AGPAT5: variants seen among roughly 807,000 people sequenced by gnomAD.
AGPAT5 encodes the protein 1-acyl-sn-glycerol-3-phosphate acyltransferase epsilon.
In AGPAT5, 46 loss-of-function variants were observed where a neutral mutation model predicts 45.6. The ratio of observed to expected loss-of-function variants is 1.01; its 90% CI spans 0.80 to 1.29. The LOEUF (loss-of-function observed/expected upper bound fraction) is 1.29, where lower values mean the gene tolerates loss of function less well. AGPAT5 is among the 50% of genes most tolerant of loss of function. The probability of loss-of-function intolerance (pLI) is 0.00; values close to 1 mark genes in which losing one functional copy is unlikely to be tolerated. For missense variants in AGPAT5, 673 were observed against 450.7 expected, an observed-to-expected ratio of 1.49 and a Z score of -4.47; for synonymous variants, 272 against 167.0, an observed-to-expected ratio of 1.63 and a Z score of -4.85.
Position 6,721,398 on chromosome 8 carries a change from C to T in AGPAT5, c.220-3472C>T, listed in dbSNP as rs545864723. On this transcript the variant is annotated intron_variant, in intron 1 of 7. Coordinates refer to ENST00000285518, the MANE Select transcript of AGPAT5 (RefSeq NM_018361.5). Reference sequence around the variant, plus strand: ...AGCTCTTTCTCTTATCCATTAATCACTTAACAGAGTTTTGAATAAAAAGTT... The same window carrying T: ...AGCTCTTTCTCTTATCCATTAATCATTTAACAGAGTTTTGAATAAAAAGTT... Among the ~76,000 whole-genome samples, 3 of 152,294 alleles carry T rather than the reference C, an allele frequency of 2.0e-5. No homozygotes were observed. The South Asian group carries it at 6.2e-4, about 32-fold the overall frequency.
intron 2 of AGPAT5, among the ~76,000 whole-genome samples, chr8:6,727,945 C>G (rs1800741825): frequency 6.6e-6 from 1 of 152,152 alleles, no homozygotes; most frequent in South Asian, 2.1e-4. Context: ...AGGCTGTCTC[C>G]TAATCCTGGT....
chr8:6,742,172 G>A (rs1801263891), intron 5 of AGPAT5, among the ~76,000 whole-genome samples: 1 of 152,138 alleles, frequency 6.6e-6, no homozygotes. Flanking sequence ...TAATGTTGCT[G>A]AGCTTGCTTC....
Position 6,720,683 on chromosome 8 carries a change from A to T in AGPAT5, c.220-4187A>T, listed in dbSNP as rs565229196. On this transcript the variant is annotated intron_variant, in intron 1 of 7. Transcript: ENST00000285518. Reference sequence around the variant, plus strand: ...AATTAGAGAGTCATCAATCACGCAGATCCAGTACAGAGGGTGGCCTGACCA... The same window carrying T: ...AATTAGAGAGTCATCAATCACGCAGTTCCAGTACAGAGGGTGGCCTGACCA... Among the ~76,000 whole-genome samples, 7 of 152,302 alleles carry T rather than the reference A, an allele frequency of 4.6e-5. No individual in the cohort carries two copies. In the East Asian group the frequency reaches 1.3e-3, roughly 29 times the overall value.
intron 1 of AGPAT5, among the ~76,000 whole-genome samples, chr8:6,718,511 CTG>C (rs3837205): frequency 0.65 from 98,761 of 151,874 alleles, 32,645 homozygotes; most frequent in African/African-American, 0.76. Flanking sequence ...CTGGAAAACA[CTG>C]TGTAAGCTTT....
chr8:6,751,980 C>T (rs915832432), intron 6 of AGPAT5, among the ~76,000 whole-genome samples: 1 of 151,814 alleles, frequency 6.6e-6, no homozygotes, highest in Non-Finnish European at 1.5e-5. Context: ...AGTTCTAGAC[C>T]AGCGTGACCA....
At chr8:6,712,850 G>T (rs1186282733) in intron 1 of AGPAT5, among the ~76,000 whole-genome samples, 2 of 152,178 alleles carry the variant, frequency 1.3e-5, no homozygotes, top group Non-Finnish European at 2.9e-5. Context: ...GCTGATAAAT[G>T]TTAATAGGAT....
At chr8:6,727,350 C>T (rs1800722246) in intron 2 of AGPAT5, among the ~76,000 whole-genome samples, 1 of 151,992 alleles carries the variant, frequency 6.6e-6, no homozygotes, top group South Asian at 2.1e-4. Flanking sequence ...TATTTCTTCC[C>T]CTTATCCTTC....
At position 6,708,888 on chromosome 8, in the gene AGPAT5, G is replaced by C; in HGVS notation, c.219+1G>C. 6.3e-7 allele frequency: 1 copy of C among 1,599,988 alleles called. No individual in the cohort carries two copies. The highest frequency in any genetic ancestry group is 1.1e-5 in the South Asian group (1 of 90,312). On this transcript the variant is annotated splice_donor_variant, in intron 1 of 7. Transcript: ENST00000285518. LOFTEE classifies it high-confidence loss of function. ...CTTCGAGAATTACACCGGGGTCCAG[G>C]TGAGCCGCCTCCCGCTCCCGGGTCT... is the stretch of plus-strand genomic sequence containing the variant.
At position 6,708,801 on chromosome 8, in the gene AGPAT5, C is replaced by G. The variant is rs1800028382; in HGVS notation, c.133C>G (p.Arg45Gly). ...WRLLSAFLPARFYQALDDRLY... is the reference protein window; with the variant it reads ...WRLLSAFLPAGFYQALDDRLY... The stretch of plus-strand genomic sequence containing the variant: ...GCTGCTCTCCGCCTTCCTGCCCGCC[C>G]GCTTCTACCAAGCGCTGGACGACCG... Residue 45 changes from arginine (R) to glycine (G), a missense_variant, in exon 1 of 8, where the codon CGC becomes GGC. Transcript: ENST00000285518. The G allele has an allele frequency of 4.3e-6, 7 of 1,610,812 alleles. No homozygotes were observed. The highest frequency in any genetic ancestry group is 1.3e-5 in the African/African-American group (1 of 74,894).
At position 6,732,553 on chromosome 8, in the gene AGPAT5, T is replaced by C. The variant is rs753129849; in HGVS notation, c.406-8T>C. On this transcript the variant is annotated splice_region_variant and splice_polypyrimidine_tract_variant and intron_variant, in intron 3 of 7. Transcript: ENST00000285518. ...TAAATGCTCTTTCTCCCGATTTGATTGTGGCAGCATGGAGGAATCTATGTA... is the reference window on the plus strand; with the variant it reads ...TAAATGCTCTTTCTCCCGATTTGATCGTGGCAGCATGGAGGAATCTATGTA... 3.6e-5 allele frequency: 57 copies of C among 1,585,098 alleles called. No homozygotes were observed. In the Admixed American group the frequency reaches 1.1e-3, roughly 31 times the overall value.
intron 4 of AGPAT5, among the ~76,000 whole-genome samples, chr8:6,733,329 C>T (rs1415735341): frequency 6.6e-6 from 1 of 152,216 alleles, no homozygotes. Flanking sequence ...GGCTCCCTCC[C>T]TCTGTCTTCC....
At chr8:6,718,143 C>G (rs71525761) in intron 1 of AGPAT5, among the ~76,000 whole-genome samples, 28,413 of 152,118 alleles carry the variant, frequency 0.19, 2,879 homozygotes, top group East Asian at 0.24. Flanking sequence ...AACACACCCT[C>G]TAAAATAAGA....
rs986592145 is a variant in AGPAT5, at chr8:6,711,591, T to C, written c.219+2704T>C. Among the ~76,000 whole-genome samples, 6 of 152,238 alleles carry C rather than the reference T, an allele frequency of 3.9e-5. No homozygotes were observed. In the East Asian group the frequency reaches 7.7e-4, roughly 19 times the overall value. ...GTTGAGAGGCATTGATTCAAGTACC[T>C]GTGTTACTTTCCTGTGCTGCCAAAA... On this transcript the variant is annotated intron_variant, in intron 1 of 7. Transcript: ENST00000285518.
Position 6,732,457 on chromosome 8 carries a change from A to G in AGPAT5, c.406-104A>G, listed in dbSNP as rs537043311. On this transcript the variant is annotated intron_variant, in intron 3 of 7. Transcript: ENST00000285518. ...AAATATAGATTAAATTCTGAAATGTAGTTTTCATTCTGTACTTTTTGCAAG... is the reference window on the plus strand; with the variant it reads ...AAATATAGATTAAATTCTGAAATGTGGTTTTCATTCTGTACTTTTTGCAAG... The G allele has an allele frequency of 1.4e-5, 10 of 711,652 alleles. No homozygotes were observed. In the African/African-American group the frequency reaches 1.5e-4, roughly 10 times the overall value. The allele number at this position is 711,652 out of a possible 1,614,324, so 44.1% of individuals were successfully genotyped here.
chr8:6,736,623 G>A (rs1360247536), intron 4 of AGPAT5, among the ~76,000 whole-genome samples: 1 of 152,212 alleles, frequency 6.6e-6, no homozygotes, highest in Non-Finnish European at 1.5e-5. Flanking sequence ...ATCAGTTGAA[G>A]CCTCAGGTGG....
chr8:6,727,887 G>C (rs984877533), intron 2 of AGPAT5, among the ~76,000 whole-genome samples: 3 of 152,202 alleles, frequency 2.0e-5, no homozygotes, highest in Non-Finnish European at 4.4e-5. Context: ...ATCTCTCAGA[G>C]CCTTATTGGT....
intron 6 of AGPAT5, 41 bp downstream of exon 6, chr8:6,747,869 A>T (rs192510702): frequency 3.9e-4 from 612 of 1,577,522 alleles, no homozygotes; most frequent in Non-Finnish European, 5.0e-4. Context: ...TACACGGTAT[A>T]TACAGTGCAC....
At chr8:6,732,126 C>T (rs1307007468) in intron 3 of AGPAT5, among the ~76,000 whole-genome samples, 1 of 152,120 alleles carries the variant, frequency 6.6e-6, no homozygotes, top group African/African-American at 2.4e-5. Flanking sequence ...GTAACAGTGC[C>T]ACATAAATAT....
At chr8:6,729,710 T>G (rs1419565404) in intron 2 of AGPAT5, among the ~76,000 whole-genome samples, 1 of 152,216 alleles carries the variant, frequency 6.6e-6, no homozygotes, top group East Asian at 1.9e-4. Flanking sequence ...CAAGGGCCAC[T>G]CTCTGTGTTG....
Sources: gnomAD v4.1 joint callset for allele counts (sites outside exome capture counted in the v4.1 genomes callset) on GRCh38, gnomAD v4.1.1 for gene constraint, MANE v1.5 for transcripts, NCBI Gene and HGNC (gene_info 2026-07-23, HGNC 2026-07-21) for gene names.